Variants in MMP11 observed in about 807,000 individuals in gnomAD.
MMP11 encodes matrix metallopeptidase 11.
A neutral mutation model predicts 49.5 loss-of-function variants in MMP11; 26 were observed. That is an observed-to-expected ratio of 0.52 (90% CI 0.38 to 0.73). MMP11 has a LOEUF of 0.73. Ranked by LOEUF, MMP11 falls within the 30% of genes least tolerant of loss-of-function variation. The pLI is 0.00. For synonymous variants in MMP11, 265 were observed against 282.3 expected (o/e 0.94, Z 0.62); for missense variants, 624 against 671.2 (o/e 0.93, Z 0.78).
chr22:23,775,055 G>A (rs142466830), intron 1 of MMP11, among the ~76,000 whole-genome samples: 68 of 152,346 alleles, frequency 4.5e-4, no homozygotes, highest in African/African-American at 1.6e-3. Context: ...GGCCAAGGGA[G>A]GCTACTGGCC....
At chr22:23,781,992 A>G (rs1927652142) in intron 6 of MMP11, 2 of 686,268 alleles carry the variant, frequency 2.9e-6, no homozygotes, top group South Asian at 1.7e-5. Flanking sequence ...CCCTCTACTG[A>G]TGAGAGTAAC....
At position 23,780,524 on chromosome 22, in the gene MMP11, C is replaced by G; in HGVS notation, c.482+22C>G. 1 of 1,613,234 alleles carries G rather than the reference C, an allele frequency of 6.2e-7. No individual in the cohort carries two copies. Among genetic ancestry groups the G allele is most frequent in the Non-Finnish European group, 8.5e-7 (1 of 1,179,728 alleles). On this transcript the variant is annotated intron_variant, in intron 3 of 7. Transcript: ENST00000215743. The surrounding 1 kb of genome is among the most constrained non-coding windows in gnomAD (Gnocchi z 4.6). ...CCAGGTGAATGGGCGGCCTGGGACC[C>G]CTCCGGGAACAGCCTCGCCTGCCAG...
At chr22:23,774,233 G>A (rs967016536) in intron 1 of MMP11, among the ~76,000 whole-genome samples, 2 of 152,174 alleles carry the variant, frequency 1.3e-5, no homozygotes, top group Non-Finnish European at 2.9e-5. Context: ...GCCTACTGCT[G>A]TGTCCACTGT....
intron 1 of MMP11, among the ~76,000 whole-genome samples, chr22:23,775,522 G>A (rs1326490262): frequency 2.0e-5 from 3 of 152,214 alleles, no homozygotes; most frequent in Non-Finnish European, 2.9e-5. Context: ...TGGGGAAACT[G>A]AGGCCAAGAG....
Position 23,783,533 on chromosome 22 carries a change from A to G in MMP11, c.1456A>G (p.Thr486Ala). 1.2e-6 allele frequency: 2 copies of G among 1,614,058 alleles called. No individual in the cohort carries two copies. Among genetic ancestry groups the G allele is most frequent in the Non-Finnish European group, 1.7e-6 (2 of 1,179,954 alleles). The change falls in exon 8 of 8, where the codon ACT becomes GCT. Residue 486 changes from threonine (T) to alanine (A), a missense_variant. Transcript: ENST00000215743. ...CTTTGGCTGTGCCGAGCCTGCCAAC[A>G]CTTTCCTCTGACCATGGCTTGGATG... The part of the protein sequence containing the change: ...DFFGCAEPAN[T>A]FL
At chr22:23,781,843 C>T (rs1927644991) in intron 6 of MMP11, 2 of 593,558 alleles carry the variant, frequency 3.4e-6, no homozygotes, top group African/African-American at 3.7e-5. Flanking sequence ...ATTGCAGATG[C>T]CAGGGACTTC....
chr22:23,782,768 C>A, intron 7 of MMP11: 1 of 537,166 alleles, frequency 1.9e-6, no homozygotes. Flanking sequence ...ATGCTCTAAG[C>A]TCCTTACTGG....
At position 23,782,339 on chromosome 22, in the gene MMP11, A is replaced by G. The variant is rs1277174469; in HGVS notation, c.1189A>G (p.Lys397Glu). ...VHAALVWGPE[K>E]NKIYFFRGRD... ...TGCTGCCTTGGTCTGGGGTCCCGAG[A>G]AGAACAAGATCTACTTCTTCCGAGG... The change falls in exon 7 of 8, where the codon AAG (lysine) becomes GAG (glutamate). Residue 397 changes from lysine to glutamate, a missense_variant. Coordinates refer to ENST00000215743, the MANE Select transcript of MMP11 (RefSeq NM_005940.5). The G allele has an allele frequency of 4.3e-6, 7 of 1,613,830 alleles. No homozygotes were observed. The highest frequency in any genetic ancestry group is 3.3e-4 in the Middle Eastern group (2 of 6,084).
chr22:23,783,337 C>A, intron 7 of MMP11, 74 bp from the exon 8 acceptor site: 1 of 1,574,450 alleles, frequency 6.4e-7, no homozygotes, highest in Non-Finnish European at 8.7e-7. Flanking sequence ...AGTGCCCATC[C>A]CTGGGCACAG....
intron 1 of MMP11, among the ~76,000 whole-genome samples, chr22:23,773,358 G>C (rs1296243272): frequency 6.6e-6 from 1 of 152,214 alleles, no homozygotes; most frequent in Non-Finnish European, 1.5e-5. Context: ...TCCCAGGCAG[G>C]TGTCAGCCTG....
chr22:23,775,345 C>G (rs1927375033), intron 1 of MMP11, among the ~76,000 whole-genome samples: 1 of 152,210 alleles, frequency 6.6e-6, no homozygotes, highest in Non-Finnish European at 1.5e-5. Context: ...CACCTCACCT[C>G]ACTGAATCCT....
intron 6 of MMP11, 51 bp downstream of exon 6, chr22:23,781,460 T>C: frequency 6.6e-7 from 1 of 1,507,844 alleles, no homozygotes. Context: ...GCCAGGAATG[T>C]TATGGCCAAG....
chr22:23,782,745 C>G (rs1415196317), intron 7 of MMP11: 1 of 565,980 alleles, frequency 1.8e-6, no homozygotes, highest in African/African-American at 1.9e-5. Context: ...CTGCTGTACA[C>G]TGAGGGCCAA....
chr22:23,783,434 C>CT lies in MMP11; in HGVS notation c.1357_1358insT (p.Arg453LeufsTer7). On this transcript the variant is annotated frameshift_variant, in exon 8 of 8. Coordinates refer to ENST00000215743, the MANE Select transcript of MMP11 (RefSeq NM_005940.5). LOFTEE classifies it high-confidence loss of function. ...AGGCTATGCCTACTTCCTGCGCGGC[C>CT]GCCTCTACTGGAAGTTTGACCCTGT... 1.9e-6 allele frequency: 3 copies of CT among 1,614,202 alleles called. No individual in the cohort carries two copies. The highest frequency in any genetic ancestry group is 2.5e-6 in the Non-Finnish European group (3 of 1,180,026).
chr22:23,772,907 C>T lies in MMP11; in HGVS notation c.37C>T (p.Arg13Cys), dbSNP rs1791143398. The change falls in exon 1 of 8, where the codon CGC (arginine) becomes TGC (cysteine). Residue 13 changes from arginine (R) to cysteine (C), a missense_variant. Physicochemically the swap from Arg to Cys is radical, Grantham distance 180. Coordinates refer to ENST00000215743, the MANE Select transcript of MMP11 (RefSeq NM_005940.5). Reference sequence around the variant, plus strand: ...CGCCTGGCTCCGCAGCGCGGCCGCGCGCGCCCTCCTGCCCCCGATGCTGCT... The same window carrying T: ...CGCCTGGCTCCGCAGCGCGGCCGCGTGCGCCCTCCTGCCCCCGATGCTGCT... ...PAAWLRSAAA[R>C]ALLPPMLLLL... 4 of 1,175,488 alleles carry T rather than the reference C, an allele frequency of 3.4e-6. No individual in the cohort carries two copies. The highest frequency in any genetic ancestry group is 3.2e-5 in the African/African-American group (2 of 61,906). 72.8% of individuals were successfully genotyped at this position (1,175,488 alleles called of 1,614,324 possible). A position where few individuals can be genotyped will look rare whatever the true frequency, so the allele number is the denominator to read the frequency against.
chr22:23,774,286 C>T (rs970872803), intron 1 of MMP11, among the ~76,000 whole-genome samples: 4 of 152,174 alleles, frequency 2.6e-5, no homozygotes, highest in Admixed American at 6.5e-5. Flanking sequence ...ACACTGTCAC[C>T]TGTAGCTGCC....
At chr22:23,774,696 T>A (rs1054159055) in intron 1 of MMP11, among the ~76,000 whole-genome samples, 16 of 152,104 alleles carry the variant, frequency 1.1e-4, no homozygotes, top group Non-Finnish European at 2.4e-4. Flanking sequence ...CTCCATAGCC[T>A]AACAAGTGCC....
chr22:23,776,385 G>A (rs1380112994), intron 1 of MMP11, among the ~76,000 whole-genome samples: 3 of 152,212 alleles, frequency 2.0e-5, no homozygotes, highest in Non-Finnish European at 4.4e-5. Flanking sequence ...GCGAGGAGGA[G>A]GAGGCAGGCC....
rs1265646388 is a variant in MMP11, at chr22:23,780,289, C to T, written c.339-70C>T. ...CACACACCCACCAAGCATCCAGGGG[C>T]AACTCCTGGTGCCTCAGCCATCGGG... On this transcript the variant is annotated intron_variant, in intron 2 of 7. Coordinates refer to ENST00000215743, the MANE Select transcript of MMP11 (RefSeq NM_005940.5). The surrounding 1 kb of genome is among the most constrained non-coding windows in gnomAD (Gnocchi z 4.6). 7 of 1,597,594 alleles carry T rather than the reference C, an allele frequency of 4.4e-6. No homozygotes were observed. The Middle Eastern group carries it at 9.0e-4, about 206-fold the overall frequency.
Sources: allele counts gnomAD v4.1 joint callset (sites outside exome capture counted in the v4.1 genomes callset), GRCh38; gene constraint gnomAD v4.1.1; non-coding constraint Gnocchi (gnomAD v3.1); transcripts MANE v1.5; gene names NCBI Gene and HGNC (gene_info 2026-07-23, HGNC 2026-07-21).